The following SLC24A2 variants were observed in gnomAD, a reference collection of about 807,000 sequenced individuals.
The protein encoded by SLC24A2 is solute carrier family 24 member 2, also known as sodium/potassium/calcium exchanger 2.
In SLC24A2, 36 loss-of-function variants were observed where a neutral mutation model predicts 62.0. The observed-to-expected ratio is 0.58, with a 90% CI of 0.44 to 0.77. The LOEUF is 0.77. Ranked by LOEUF, SLC24A2 falls within the 30% of genes least tolerant of loss-of-function variation. SLC24A2 has a pLI of 0.00. For synonymous variants in SLC24A2, 358 were observed against 294.0 expected (o/e 1.22, Z -2.23); for missense variants, 846 against 817.9 (o/e 1.03, Z -0.42).
chr9:20,141,012 C>G, the SLC24A2 span, among the ~76,000 whole-genome samples: 1 of 152,124 alleles, frequency 6.6e-6, no homozygotes, highest in Non-Finnish European at 1.5e-5. Context: ...TATCATCTCT[C>G]CTCTCCTCCT....
At chr9:19,571,433 T>C (rs1301997467) in intron 7 of SLC24A2, among the ~76,000 whole-genome samples, 1 of 152,128 alleles carries the variant, frequency 6.6e-6, no homozygotes, top group Non-Finnish European at 1.5e-5. Flanking sequence ...GCTGCTAGGT[T>C]ATATTGACTG....
the SLC24A2 span, among the ~76,000 whole-genome samples, chr9:19,896,952 C>T: frequency 4.7e-4 from 71 of 152,122 alleles, no homozygotes; most frequent in Non-Finnish European, 8.1e-4. Flanking sequence ...AATCTAATTA[C>T]CATCCACTTT....
rs984140913 is a variant in SLC24A2, at chr9:19,507,847, G to A, written c.*8306C>T. 1 of 152,138 alleles carries A rather than the reference G, an allele frequency of 6.6e-6. No individual in the cohort carries two copies. The highest frequency in any genetic ancestry group is 1.5e-5 in the Non-Finnish European group (1 of 68,028). 9.4% of individuals were successfully genotyped at this position (152,138 alleles called of 1,614,324 possible). On this transcript the variant is annotated 3_prime_UTR_variant, in exon 11 of 11. Coordinates refer to ENST00000341998, the MANE Select transcript of SLC24A2 (RefSeq NM_020344.4). ...TACAATGCTCCTTTAAAACGGAGGCGAACAAAGGAAGCATGAGACCACGTC... is the reference window on the plus strand; with the variant it reads ...TACAATGCTCCTTTAAAACGGAGGCAAACAAAGGAAGCATGAGACCACGTC...
chr9:20,068,702 A>G, the SLC24A2 span, among the ~76,000 whole-genome samples: 7 of 152,258 alleles, frequency 4.6e-5, no homozygotes, highest in East Asian at 1.4e-3. Context: ...TGGAAGTGTC[A>G]TGACCCTAAA....
At chr9:20,233,013 A>T in the SLC24A2 span, among the ~76,000 whole-genome samples, 1 of 152,182 alleles carries the variant, frequency 6.6e-6, no homozygotes, top group South Asian at 2.1e-4. Context: ...CAGGTTGTTC[A>T]GTTTCCATGT....
Position 19,516,167 on chromosome 9 carries a change from G to T in SLC24A2, c.1972C>A (p.Pro658Thr), listed in dbSNP as rs898385986. ...VLLEDRILTC[P>T]VSI ...GGCTTTTCCTGCTAGATGGAGACGGGGCATGTAAGAATTCTGTCTTCTAGG... is the reference window on the plus strand; with the variant it reads ...GGCTTTTCCTGCTAGATGGAGACGGTGCATGTAAGAATTCTGTCTTCTAGG... Residue 658 changes from proline (P) to threonine (T), a missense_variant, in exon 11 of 11, where the codon CCC becomes ACC. Pro to Thr is a conservative substitution (Grantham distance 38, BLOSUM62 -1). Transcript: ENST00000341998. The T allele has an allele frequency of 2.5e-6, 4 of 1,614,002 alleles. No homozygotes were observed. Among genetic ancestry groups the T allele is most frequent in the South Asian group, 1.1e-5 (1 of 91,068 alleles).
chr9:20,191,735 G>A, the SLC24A2 span, among the ~76,000 whole-genome samples: 1 of 151,528 alleles, frequency 6.6e-6, no homozygotes, highest in African/African-American at 2.4e-5. Flanking sequence ...CCCTCTAAGG[G>A]ATGCTATGCA....
intron 2 of SLC24A2, among the ~76,000 whole-genome samples, chr9:19,754,701 T>C (rs1488285178): frequency 2.0e-5 from 3 of 151,740 alleles, no homozygotes; most frequent in Non-Finnish European, 4.4e-5. Context: ...TCCTAAGCAC[T>C]GAATGGCAGG....
chr9:19,749,528 G>C (rs900211977), intron 2 of SLC24A2, among the ~76,000 whole-genome samples: 1 of 152,112 alleles, frequency 6.6e-6, no homozygotes, highest in African/African-American at 2.4e-5. Flanking sequence ...AGACAAAAGG[G>C]ACTGCTTATT....
chr9:20,235,735 G>C, the SLC24A2 span, among the ~76,000 whole-genome samples: 1 of 152,172 alleles, frequency 6.6e-6, no homozygotes, highest in Non-Finnish European at 1.5e-5. Flanking sequence ...TGCACCCACT[G>C]TCCTGCACCT....
At chr9:20,001,701 G>C in the SLC24A2 span, among the ~76,000 whole-genome samples, 1 of 152,084 alleles carries the variant, frequency 6.6e-6, no homozygotes, top group East Asian at 1.9e-4. Flanking sequence ...TTCCTACCGA[G>C]TCTTTAAGAT....
the SLC24A2 span, among the ~76,000 whole-genome samples, chr9:20,225,942 A>G: frequency 1.3e-5 from 2 of 152,088 alleles, no homozygotes; most frequent in African/African-American, 4.8e-5. Flanking sequence ...AGAAGAAGGG[A>G]GGAAGAGAGA....
At chr9:20,208,928 G>A in the SLC24A2 span, among the ~76,000 whole-genome samples, 2 of 152,224 alleles carry the variant, frequency 1.3e-5, no homozygotes, top group Non-Finnish European at 2.9e-5. Context: ...TCAGCAACGT[G>A]GATCTAGTTG....
chr9:20,166,553 A>T, the SLC24A2 span, among the ~76,000 whole-genome samples: 1 of 151,988 alleles, frequency 6.6e-6, no homozygotes, highest in Admixed American at 6.6e-5. Flanking sequence ...AATGTACAGG[A>T]GTATATATGG....
At chr9:19,848,009 G>A in the SLC24A2 span, among the ~76,000 whole-genome samples, 3 of 152,114 alleles carry the variant, frequency 2.0e-5, no homozygotes, top group South Asian at 2.1e-4. Flanking sequence ...GGAAGCTACT[G>A]TTCAAATTTG....
the SLC24A2 span, among the ~76,000 whole-genome samples, chr9:19,946,705 T>G: frequency 6.6e-6 from 1 of 152,172 alleles, no homozygotes; most frequent in African/African-American, 2.4e-5. Context: ...GGCCCAGGGA[T>G]TTGGTCCCCA....
In SLC24A2 at chr9:19,786,051, A is replaced by T; in HGVS notation, c.816T>A (p.Ala272=). The part of the protein sequence containing the change: ...MWWESLLLLT[A]YFCYVVFMKF... ...TCATGAAAACCACATAGCAAAAATA[A>T]GCTGTTAAGAGAAGCAAGCTTTCCC... is the stretch of plus-strand genomic sequence containing the variant. Residue 272 remains alanine (A), a synonymous_variant, in exon 2 of 11, where the codon GCT becomes GCA. Transcript: ENST00000341998. This position sits in a 1 kb window ranked among gnomAD's most constrained non-coding sequence, Gnocchi z 5.0. 6.2e-7 allele frequency: 1 copy of T among 1,614,226 alleles called. No individual in the cohort carries two copies. Among genetic ancestry groups the T allele is most frequent in the African/African-American group, 1.3e-5 (1 of 75,068 alleles).
intron 2 of SLC24A2, among the ~76,000 whole-genome samples, chr9:19,671,276 T>C (rs984380138): frequency 6.6e-6 from 1 of 151,898 alleles, no homozygotes; most frequent in African/African-American, 2.4e-5. Context: ...CTTGGTTAGG[T>C]ATATTCCTCA....
chr9:19,714,237 A>G (rs1820794772), intron 2 of SLC24A2, among the ~76,000 whole-genome samples: 3 of 152,140 alleles, frequency 2.0e-5, no homozygotes, highest in Admixed American at 1.3e-4. Context: ...GTGCATATGC[A>G]CAAACAAGGG....
Sources: allele counts gnomAD v4.1 joint callset (sites outside exome capture counted in the v4.1 genomes callset), GRCh38; gene constraint gnomAD v4.1.1; non-coding constraint Gnocchi (gnomAD v3.1); transcripts MANE v1.5; gene names NCBI Gene and HGNC (gene_info 2026-07-23, HGNC 2026-07-21).